ACSL1: variants seen among roughly 807,000 people sequenced by gnomAD.
ACSL1 encodes long-chain-fatty-acid--CoA ligase 1.
A neutral mutation model predicts 98.4 loss-of-function variants in ACSL1; 41 were observed. The observed-to-expected ratio is 0.42, with a 90% CI of 0.32 to 0.54. The LOEUF (loss-of-function observed/expected upper bound fraction) is 0.54, where lower values mean the gene tolerates loss of function less well. Ranked by LOEUF, ACSL1 falls within the 20% of genes least tolerant of loss-of-function variation. The pLI, the probability that ACSL1 is intolerant of heterozygous loss-of-function variation, is 0.13. For synonymous variants in ACSL1, 316 were observed against 322.7 expected (o/e 0.98, Z 0.22); for missense variants, 734 against 883.1 (o/e 0.83, Z 2.14).
chr4:184,763,132 G>C, intron 16 of ACSL1, 35 bp downstream of exon 16: 1 of 1,604,308 alleles, frequency 6.2e-7, no homozygotes, highest in Non-Finnish European at 8.5e-7. Flanking sequence ...ACAGGAAATG[G>C]CAGCGAGGGA....
chr4:184,793,751 C>T (rs1295232943), intron 2 of ACSL1, among the ~76,000 whole-genome samples: 1 of 152,158 alleles, frequency 6.6e-6, no homozygotes, highest in African/African-American at 2.4e-5. Flanking sequence ...TGGCTGGGTT[C>T]TAATGCGGGA....
At chr4:184,777,946 G>C (rs1765572243) in intron 5 of ACSL1, among the ~76,000 whole-genome samples, 1 of 152,200 alleles carries the variant, frequency 6.6e-6, no homozygotes, top group African/African-American at 2.4e-5. Flanking sequence ...GCGGCTGTGG[G>C]GCTCAAGGAA....
chr4:184,818,814 C>A (rs573739655), intron 1 of ACSL1, among the ~76,000 whole-genome samples: 1 of 152,202 alleles, frequency 6.6e-6, no homozygotes, highest in African/African-American at 2.4e-5. Context: ...GCCAGTACGG[C>A]CAGACACCAA....
chr4:184,773,543 G>A lies in ACSL1; in HGVS notation c.841+120C>T, dbSNP rs7691972. ...GCAACAAGAAGACAGCACTTGAACC[G>A]CTTCCTTCTCTTCTGCTTTTGGTCC... is the stretch of plus-strand genomic sequence containing the variant. On this transcript the variant is annotated intron_variant, in intron 9 of 20. Transcript: ENST00000281455. This position sits in a 1 kb window ranked among gnomAD's most constrained non-coding sequence, Gnocchi z 4.3. 0.29 allele frequency: 271,757 copies of A among 934,572 alleles called. 43,281 individuals carry two copies. Among genetic ancestry groups the A allele is most frequent in the Non-Finnish European group, 0.33 (206,709 of 620,084 alleles). 57.9% of individuals were successfully genotyped at this position (934,572 alleles called of 1,614,324 possible). A position where few individuals can be genotyped will look rare whatever the true frequency, so the allele number is the denominator to read the frequency against.
In ACSL1 at chr4:184,757,244, G is replaced by C; in HGVS notation, c.1978C>G (p.Pro660Ala). The stretch of plus-strand genomic sequence containing the variant: ...CCATTGTCGATAGAAAATAATTCAG[G>C]GTGCAATGTGATGCCTTTGACCTGC... ...FEQVKGITLHPELFSIDNGLL... is the reference protein window; with the variant it reads ...FEQVKGITLHAELFSIDNGLL... Residue 660 changes from proline to alanine, a missense_variant, in exon 21 of 21, where the codon CCT (proline) becomes GCT (alanine). Physicochemically the swap from Pro to Ala is conservative, Grantham distance 27. Transcript: ENST00000281455. This position sits in a 1 kb window ranked among gnomAD's most constrained non-coding sequence, Gnocchi z 4.5. 2.5e-6 allele frequency: 4 copies of C among 1,601,586 alleles called. No homozygotes were observed. The highest frequency in any genetic ancestry group is 3.4e-6 in the Non-Finnish European group (4 of 1,170,022).
intron 10 of ACSL1, among the ~76,000 whole-genome samples, chr4:184,772,535 C>T (rs990903949): frequency 4.6e-5 from 7 of 152,154 alleles, no homozygotes; most frequent in Non-Finnish European, 8.8e-5. Context: ...ATGTCAACAT[C>T]CTAACTCCCA....
At chr4:184,815,133 G>A (rs961065298) in intron 1 of ACSL1, 15 of 456,094 alleles carry the variant, frequency 3.3e-5, no homozygotes, top group East Asian at 2.8e-4. Flanking sequence ...CTAGGGGAGG[G>A]AGAAAACAGT....
intron 1 of ACSL1, among the ~76,000 whole-genome samples, chr4:184,809,691 G>C (rs1287314656): frequency 6.6e-6 from 1 of 152,162 alleles, no homozygotes; most frequent in African/African-American, 2.4e-5. Context: ...AGCTACTTGG[G>C]AGGCTGAGGC....
Position 184,802,688 on chromosome 4 carries a change from G to A in ACSL1, c.195+632C>T, listed in dbSNP as rs74551087. On this transcript the variant is annotated intron_variant, in intron 2 of 20. Coordinates refer to ENST00000281455, the MANE Select transcript of ACSL1 (RefSeq NM_001995.5). Reference sequence around the variant, plus strand: ...CCCTCCTATTAAGCCCTAATTGCCCGCATTCCAGTTTCATTTTCCTAACAT... The same window carrying A: ...CCCTCCTATTAAGCCCTAATTGCCCACATTCCAGTTTCATTTTCCTAACAT... 1.1e-4 allele frequency among the ~76,000 whole-genome samples: 16 copies of A among 152,260 alleles called. No homozygotes were observed. The East Asian group carries it at 1.3e-3, about 13-fold the overall frequency.
chr4:184,814,338 A>G (rs1421345341), intron 1 of ACSL1, among the ~76,000 whole-genome samples: 1 of 150,896 alleles, frequency 6.6e-6, no homozygotes, highest in Non-Finnish European at 1.5e-5. Flanking sequence ...GAGGAGAGCT[A>G]CGCCTCTTTC....
intron 1 of ACSL1, among the ~76,000 whole-genome samples, chr4:184,820,035 A>AACAGGC (rs199587449): frequency 0.017 from 2,644 of 152,206 alleles, 96 homozygotes; most frequent in African/African-American, 0.059. Context: ...CCATTCTTTG[A>AACAGGC]ACAGGCACAG....
At chr4:184,782,264 T>TAAA (rs33965361) in intron 4 of ACSL1, among the ~76,000 whole-genome samples, 36,819 of 142,840 alleles carry the variant, frequency 0.26, 4,868 homozygotes, top group Middle Eastern at 0.34. Flanking sequence ...CATACATTCT[T>TAAA]AAAAAAAAAA....
At chr4:184,758,865 A>C (rs955296045) in intron 18 of ACSL1, 3 of 151,936 alleles carry the variant, frequency 2.0e-5, no homozygotes, top group Admixed American at 6.6e-5. Flanking sequence ...GTCATTTAAC[A>C]TTAGGTATAT....
chr4:184,802,669 T>C (rs149494308), intron 2 of ACSL1, among the ~76,000 whole-genome samples: 46 of 152,332 alleles, frequency 3.0e-4, no homozygotes, highest in African/African-American at 1.1e-3. Flanking sequence ...CCATCCCTCC[T>C]ATTAAGCCCT....
intron 11 of ACSL1, among the ~76,000 whole-genome samples, chr4:184,768,878 T>A (rs1209595266): frequency 6.6e-6 from 1 of 152,122 alleles, no homozygotes; most frequent in Non-Finnish European, 1.5e-5. Flanking sequence ...CAGTCGAGCC[T>A]GGCCACGTTA....
At chr4:184,792,706 TG>T (rs1262748738) in intron 2 of ACSL1, among the ~76,000 whole-genome samples, 1 of 152,182 alleles carries the variant, frequency 6.6e-6, no homozygotes, top group Non-Finnish European at 1.5e-5. Context: ...CCCAAAGTAT[TG>T]GGATGACAGG....
Position 184,766,526 on chromosome 4 carries a change from T to C in ACSL1, c.1263+96A>G. ...AACAAAAACATGTTATTCTCTCCCT[T>C]ACCTTCATCTCTCCCTCTCACAAAA... On this transcript the variant is annotated intron_variant, in intron 13 of 20. Transcript: ENST00000281455. The surrounding 1 kb of genome is among the most constrained non-coding windows in gnomAD (Gnocchi z 4.8). 6.8e-7 allele frequency: 1 copy of C among 1,473,786 alleles called. No homozygotes were observed. Among genetic ancestry groups the C allele is most frequent in the Admixed American group, 2.1e-5 (1 of 47,874 alleles). The allele number at this position is 1,473,786 out of a possible 1,614,324, so 91.3% of individuals were successfully genotyped here. A position where few individuals can be genotyped will look rare whatever the true frequency, so the allele number is the denominator to read the frequency against.
intron 2 of ACSL1, among the ~76,000 whole-genome samples, chr4:184,790,197 A>G (rs1426298538): frequency 6.6e-6 from 1 of 152,166 alleles, no homozygotes; most frequent in Non-Finnish European, 1.5e-5. Flanking sequence ...ATCTGTTTCC[A>G]TGGACTCTTC....
intron 1 of ACSL1, among the ~76,000 whole-genome samples, chr4:184,811,096 T>C (rs1392183262): frequency 6.6e-6 from 1 of 152,128 alleles, no homozygotes; most frequent in Non-Finnish European, 1.5e-5. Context: ...CAAGCCACGA[T>C]GCACAATGCT....
Sources: gnomAD v4.1 joint callset for allele counts (sites outside exome capture counted in the v4.1 genomes callset) on GRCh38, gnomAD v4.1.1 for gene constraint, Gnocchi (gnomAD v3.1) non-coding constraint, MANE v1.5 for transcripts, NCBI Gene and HGNC (gene_info 2026-07-23, HGNC 2026-07-21) for gene names.